Variants in ZNF248 observed in about 807,000 individuals in gnomAD.
ZNF248 encodes KRAB protein domain.
In ZNF248, 20 loss-of-function variants were observed where a neutral mutation model predicts 44.3. That is an observed-to-expected ratio of 0.45 (90% CI 0.32 to 0.66). The LOEUF (loss-of-function observed/expected upper bound fraction) is 0.66, where lower values mean the gene tolerates loss of function less well. Among genes scored for constraint, ZNF248 ranks in the 30% least tolerant of loss-of-function variants. The pLI, the probability that ZNF248 is intolerant of heterozygous loss-of-function variation, is 0.04. For missense variants in ZNF248, 654 were observed against 677.0 expected (o/e 0.97, Z 0.38); for synonymous variants, 224 against 229.0 (o/e 0.98, Z 0.20).
chr10:37,766,610 CA>C, the ZNF248 span, among the ~76,000 whole-genome samples: 1 of 152,120 alleles, frequency 6.6e-6, no homozygotes, highest in Non-Finnish European at 1.5e-5. Flanking sequence ...ACATCCACAC[CA>C]AAAACCCTTC....
the ZNF248 span, among the ~76,000 whole-genome samples, chr10:37,759,798 C>A: frequency 6.6e-6 from 1 of 152,190 alleles, no homozygotes; most frequent in African/African-American, 2.4e-5. Context: ...TCACACATAA[C>A]CCCAAATTGT....
At chr10:37,833,466 A>G (rs1205548834) in intron 5 of ZNF248, among the ~76,000 whole-genome samples, 3 of 152,214 alleles carry the variant, frequency 2.0e-5, no homozygotes, top group African/African-American at 7.2e-5. Flanking sequence ...AACCCAACAG[A>G]GACAATGAAC....
chr10:37,824,672 A>ATTTTTTTTTTTTTTTTT (rs1564542451), downstream of ZNF248, among the ~76,000 whole-genome samples: 5 of 61,304 alleles, frequency 8.2e-5, no homozygotes, highest in African/African-American at 2.7e-4. Flanking sequence ...AATTATTTTA[A>ATTTTTTTTTTTTTTTTT]ATTTTTTTTT....
intron 6 of ZNF248, chr10:37,818,742 C>T: frequency 1.6e-6 from 1 of 641,898 alleles, no homozygotes; most frequent in South Asian, 1.7e-5. Flanking sequence ...CAATGCAGTC[C>T]TCCTTTTGGT....
Position 37,832,415 on chromosome 10 carries a change from T to A in ZNF248, c.940A>T (p.Ile314Phe). 1 of 1,614,000 alleles carries A rather than the reference T, an allele frequency of 6.2e-7. No individual in the cohort carries two copies. Among genetic ancestry groups the A allele is most frequent in the Non-Finnish European group, 8.5e-7 (1 of 1,179,946 alleles). Residue 314 changes from isoleucine to phenylalanine, a missense_variant, in exon 6 of 6, where the codon ATC becomes TTC. Ile to Phe is a conservative substitution (Grantham distance 21, BLOSUM62 0). Transcript: ENST00000395867. ...TTTCTTGTGTAAGCTCCCTGATGGATAATGAAAGCTGAATTGTCACAGAAG... is the reference window on the plus strand; with the variant it reads ...TTTCTTGTGTAAGCTCCCTGATGGAAAATGAAAGCTGAATTGTCACAGAAG... Reference protein sequence around the residue: ...EIFCDNSAFIIHQGAYTRKIL... With the variant: ...EIFCDNSAFIFHQGAYTRKIL...
Position 37,839,506 on chromosome 10 carries a change from AACAC to A in ZNF248, c.16-1399_16-1396del, listed in dbSNP as rs771239384. Among the ~76,000 whole-genome samples, 24 of 110,918 alleles carry A rather than the reference AACAC, an allele frequency of 2.2e-4. No homozygotes were observed. In the East Asian group the frequency reaches 3.5e-3, roughly 16 times the overall value. 72.8% of individuals were successfully genotyped at this position (110,918 alleles called of 152,430 possible). The stretch of plus-strand genomic sequence containing the variant: ...GACACCTCTTATACATGTATACACA[AACAC>A]ACACACACACACACACATGCACACA... On this transcript the variant is annotated intron_variant, in intron 3 of 5. Coordinates refer to ENST00000395867, the MANE Select transcript of ZNF248 (RefSeq NM_021045.3).
intron 6 of ZNF248, among the ~76,000 whole-genome samples, chr10:37,800,436 A>C (rs925979037): frequency 6.6e-6 from 1 of 152,200 alleles, no homozygotes; most frequent in Admixed American, 6.5e-5. Context: ...TTGTTGCTGC[A>C]AAAGACATGA....
intron 3 of ZNF248, among the ~76,000 whole-genome samples, chr10:37,853,794 C>CA (rs1030189759): frequency 2.4e-4 from 36 of 150,028 alleles, no homozygotes; most frequent in South Asian, 1.1e-3. Flanking sequence ...CATCTTTAAA[C>CA]AAAAAAAAAT....
chr10:37,779,172 G>A (rs2046978593), intron 6 of ZNF248, among the ~76,000 whole-genome samples: 1 of 152,090 alleles, frequency 6.6e-6, no homozygotes, highest in African/African-American at 2.4e-5. Context: ...TATGAGGCCA[G>A]CATCATTCTG....
chr10:37,760,734 C>T, the ZNF248 span, among the ~76,000 whole-genome samples: 2 of 151,756 alleles, frequency 1.3e-5, no homozygotes, highest in Admixed American at 1.3e-4. Context: ...CTCAGGGGGC[C>T]GAGGCAGGAG....
At chr10:37,788,733 A>G (rs902733248) in intron 6 of ZNF248, among the ~76,000 whole-genome samples, 1 of 152,256 alleles carries the variant, frequency 6.6e-6, no homozygotes, top group Non-Finnish European at 1.5e-5. Flanking sequence ...AATAGTTATT[A>G]TAAAAACAGA....
intron 6 of ZNF248, among the ~76,000 whole-genome samples, chr10:37,782,090 T>C (rs1211135363): frequency 1.3e-5 from 2 of 152,182 alleles, no homozygotes; most frequent in Non-Finnish European, 2.9e-5. Flanking sequence ...CCTGGTTCAG[T>C]TTCAAAGGCT....
intron 6 of ZNF248, among the ~76,000 whole-genome samples, chr10:37,800,178 T>A (rs939845490): frequency 6.6e-6 from 1 of 152,228 alleles, no homozygotes; most frequent in African/African-American, 2.4e-5. Context: ...GTAAGTTGCA[T>A]GTCATGAAGA....
At chr10:37,795,482 T>A (rs1471449451) in intron 6 of ZNF248, 2 of 151,168 alleles carry the variant, frequency 1.3e-5, no homozygotes, top group African/African-American at 4.9e-5. Context: ...TCAAAAAGCG[T>A]TTTTTTTTCC....
In ZNF248 at chr10:37,837,600, A is replaced by C; in HGVS notation, c.238+17T>G. The C allele has an allele frequency of 6.2e-7, 1 of 1,607,450 alleles. No individual in the cohort carries two copies. The highest frequency in any genetic ancestry group is 1.3e-5 in the African/African-American group (1 of 74,740). On this transcript the variant is annotated intron_variant, in intron 5 of 5. Transcript: ENST00000395867. ...TAATTTCCTCTGGCTTTCATCTGCC[A>C]GAAATCACTAACTCACCTGGGTGGC...
the ZNF248 span, among the ~76,000 whole-genome samples, chr10:37,770,302 G>GC: frequency 6.6e-6 from 1 of 152,178 alleles, no homozygotes; most frequent in African/African-American, 2.4e-5. Flanking sequence ...CCAAAAAAGA[G>GC]CCCGCATCGC....
intron 6 of ZNF248, among the ~76,000 whole-genome samples, chr10:37,791,303 A>C (rs1349228918): frequency 1.3e-5 from 2 of 151,840 alleles, no homozygotes; most frequent in Admixed American, 6.6e-5. Context: ...CGGCCTCCCA[A>C]AGTGCTGGGA....
intron 6 of ZNF248, among the ~76,000 whole-genome samples, chr10:37,813,560 A>C (rs1022620465): frequency 1.3e-5 from 2 of 151,992 alleles, no homozygotes; most frequent in African/African-American, 4.8e-5. Flanking sequence ...ATGATGATCC[A>C]CTTCCACTTA....
At chr10:37,823,147 A>C (rs1184520313) in intron 6 of ZNF248, among the ~76,000 whole-genome samples, 1 of 152,080 alleles carries the variant, frequency 6.6e-6, no homozygotes, top group African/African-American at 2.4e-5. Flanking sequence ...CATCCTGGCC[A>C]ACATGGTAAA....
Sources: gnomAD v4.1 joint callset for allele counts (sites outside exome capture counted in the v4.1 genomes callset) on GRCh38, gnomAD v4.1.1 for gene constraint, MANE v1.5 for transcripts, NCBI Gene and HGNC (gene_info 2026-07-23, HGNC 2026-07-21) for gene names.